The following GAB1 variants were observed in gnomAD, a reference collection of about 807,000 sequenced individuals.
GAB1 encodes GRB2-associated-binding protein 1.
In GAB1, 19 loss-of-function variants were observed where a neutral mutation model predicts 66.5. The observed-to-expected ratio is 0.29, with a 90% CI of 0.20 to 0.42. The LOEUF is 0.42. Ranked by LOEUF, GAB1 falls within the 10% of genes least tolerant of loss-of-function variation. The probability of loss-of-function intolerance (pLI) is 1.00; values close to 1 mark genes in which losing one functional copy is unlikely to be tolerated. For missense variants in GAB1, 732 were observed against 858.5 expected (o/e 0.85, Z 1.84); for synonymous variants, 294 against 301.4 (o/e 0.98, Z 0.25).
intron 7 of GAB1, among the ~76,000 whole-genome samples, 191 bp downstream of exon 7, chr4:143,459,669 T>C (rs549382097): frequency 5.9e-5 from 9 of 152,300 alleles, no homozygotes; most frequent in African/African-American, 2.2e-4. Flanking sequence ...TTTTTTCTCC[T>C]TCTGAGTGTA....
At chr4:143,427,035 G>C (rs564557399) in intron 2 of GAB1, among the ~76,000 whole-genome samples, 1 of 152,272 alleles carries the variant, frequency 6.6e-6, no homozygotes, top group Non-Finnish European at 1.5e-5. Flanking sequence ...ACACATTGAA[G>C]GGTGAGGGGA....
chr4:143,416,753 G>T (rs974837448), intron 2 of GAB1, among the ~76,000 whole-genome samples: 1 of 152,192 alleles, frequency 6.6e-6, no homozygotes, highest in African/African-American at 2.4e-5. Context: ...CAGCCTGGGC[G>T]ACAGAGCAAG....
intron 1 of GAB1, among the ~76,000 whole-genome samples, chr4:143,340,659 C>T (rs981295818): frequency 9.2e-5 from 14 of 152,162 alleles, no homozygotes; most frequent in Middle Eastern, 3.4e-3. Flanking sequence ...TATAGGCATC[C>T]CCCTCCACAC....
chr4:143,412,001 G>C (rs1003752766), intron 1 of GAB1, among the ~76,000 whole-genome samples: 1 of 152,168 alleles, frequency 6.6e-6, no homozygotes, highest in Non-Finnish European at 1.5e-5. Context: ...GTAATTTCCT[G>C]CCGTAAGGGT....
At chr4:143,399,605 T>G (rs1731648428) in intron 1 of GAB1, among the ~76,000 whole-genome samples, 1 of 152,238 alleles carries the variant, frequency 6.6e-6, no homozygotes, top group African/African-American at 2.4e-5. Context: ...ATCAATACAC[T>G]GCATCCAGTA....
chr4:143,468,430 G>A (rs1345661535), intron 9 of GAB1, among the ~76,000 whole-genome samples: 1 of 151,106 alleles, frequency 6.6e-6, no homozygotes, highest in Non-Finnish European at 1.5e-5. Flanking sequence ...GGCCAGGCTG[G>A]TCTTGAACTC....
intron 1 of GAB1, among the ~76,000 whole-genome samples, chr4:143,400,442 C>T (rs1225358947): frequency 7.2e-5 from 11 of 152,152 alleles, no homozygotes; most frequent in African/African-American, 2.7e-4. Context: ...CTAATTATTC[C>T]TTATAACAGC....
chr4:143,425,642 A>T (rs1241186520), intron 2 of GAB1: 2 of 761,250 alleles, frequency 2.6e-6, no homozygotes, highest in Non-Finnish European at 4.8e-6. Flanking sequence ...TCATGCCTGA[A>T]CTCTACTTCT....
intron 2 of GAB1, among the ~76,000 whole-genome samples, chr4:143,419,663 A>G (rs1018516515): frequency 6.6e-6 from 1 of 152,142 alleles, no homozygotes; most frequent in Admixed American, 6.5e-5. Flanking sequence ...TAATCTGCCA[A>G]TACGTTCTAC....
rs188402898 is a variant in GAB1 at position 143,405,920 on chromosome 4, A to G, written c.73-9557A>G. ...GATGAGTTTCTTGCCATGATCTCTCAGTATTTTGGGAATTTTGCAAACCAT... is the reference window on the plus strand; with the variant it reads ...GATGAGTTTCTTGCCATGATCTCTCGGTATTTTGGGAATTTTGCAAACCAT... On this transcript the variant is annotated intron_variant, in intron 1 of 9. Transcript: ENST00000262994. Among the ~76,000 whole-genome samples the G allele has an allele frequency of 1.1e-4, 17 of 152,204 alleles. No individual in the cohort carries two copies. The East Asian group carries it at 3.3e-3, about 29-fold the overall frequency.
chr4:143,340,093 A>C (rs527497435), intron 1 of GAB1, among the ~76,000 whole-genome samples: 36 of 152,146 alleles, frequency 2.4e-4, no homozygotes, highest in South Asian at 1.2e-3. Context: ...AGATTTTGAC[A>C]TTCCCAGATT....
intron 1 of GAB1, among the ~76,000 whole-genome samples, chr4:143,384,661 C>T (rs528290341): frequency 6.6e-6 from 1 of 152,308 alleles, no homozygotes; most frequent in African/African-American, 2.4e-5. Context: ...GAGGGGAGAG[C>T]TCTTCCCTTC....
chr4:143,464,264 C>T (rs1045421778), intron 8 of GAB1, among the ~76,000 whole-genome samples: 3 of 152,148 alleles, frequency 2.0e-5, no homozygotes, highest in African/African-American at 7.2e-5. Context: ...GAGTTTCCCT[C>T]TGTTGCCCAG....
intron 1 of GAB1, among the ~76,000 whole-genome samples, chr4:143,386,924 T>A (rs1398873210): frequency 1.3e-5 from 2 of 152,182 alleles, no homozygotes; most frequent in Non-Finnish European, 2.9e-5. Flanking sequence ...TCTTGCCCTT[T>A]ACAGAAGATT....
Position 143,337,095 on chromosome 4 carries a change from T to C in GAB1, c.-94T>C. On this transcript the variant is annotated 5_prime_UTR_variant, in exon 1 of 10. Transcript: ENST00000262994. ...GGGGTGCGCGACCAGGAGAGCTAGG[T>C]TCTCGCCACTGCGCGCTCGGCAGGC... The C allele has an allele frequency of 9.0e-7, 1 of 1,112,040 alleles. No homozygotes were observed. The highest frequency in any genetic ancestry group is 2.6e-5 in the East Asian group (1 of 37,768). 68.9% of individuals were successfully genotyped at this position (1,112,040 alleles called of 1,614,324 possible).
intron 6 of GAB1, among the ~76,000 whole-genome samples, chr4:143,448,131 G>C (rs1734671473): frequency 1.3e-5 from 2 of 151,814 alleles, no homozygotes; most frequent in African/African-American, 4.9e-5. Context: ...TGCATCCCAG[G>C]GATGAAGCCC....
At chr4:143,448,936 A>C (rs1734731146) in intron 6 of GAB1, among the ~76,000 whole-genome samples, 1 of 151,840 alleles carries the variant, frequency 6.6e-6, no homozygotes, top group African/African-American at 2.4e-5. Flanking sequence ...TAGTGCTATA[A>C]ATTTCCCTCT....
In GAB1 at chr4:143,438,250, G is replaced by T. The variant is rs1398567443; in HGVS notation, c.845G>T (p.Gly282Val). The T allele has an allele frequency of 6.2e-7, 1 of 1,614,098 alleles. No individual in the cohort carries two copies. Among genetic ancestry groups the T allele is most frequent in the East Asian group, 2.2e-5 (1 of 44,884 alleles). Reference protein sequence around the residue: ...KVSPSSTEADGELYVFNTPSG... With the variant: ...KVSPSSTEADVELYVFNTPSG... ...TCTCCATCAAGTACTGAAGCAGATG[G>T]AGAACTCTATGTTTTTAATACCCCA... The change falls in exon 4 of 10, where the codon GGA (glycine) becomes GTA (valine). Residue 282 changes from glycine (G) to valine (V), a missense_variant. This residue lies in a region of GAB1 where 427 missense variants were observed against 420.6 expected (regional missense o/e 1.02). Coordinates refer to ENST00000262994, the MANE Select transcript of GAB1 (RefSeq NM_002039.4).
intron 1 of GAB1, 81 bp from the exon 2 acceptor site, chr4:143,415,396 A>G (rs1349481833): frequency 9.1e-7 from 1 of 1,101,848 alleles, no homozygotes; most frequent in Non-Finnish European, 1.3e-6. Context: ...TGCATTTGTA[A>G]AATCAGTTTG....
Sources: gnomAD v4.1 joint callset for allele counts (sites outside exome capture counted in the v4.1 genomes callset) on GRCh38, gnomAD v4.1.1 for gene constraint, gnomAD v4.1.1 regional missense constraint, MANE v1.5 for transcripts, NCBI Gene and HGNC (gene_info 2026-07-23, HGNC 2026-07-21) for gene names.